Variants in RNF220 observed in about 807,000 individuals in gnomAD.
RNF220 encodes the protein ring finger protein 220, also known as E3 ubiquitin-protein ligase RNF220.
Under a neutral mutation model 67.1 loss-of-function variants are expected in RNF220, and 7 were observed. The ratio of observed to expected loss-of-function variants is 0.10; its 90% confidence interval spans 0.06 to 0.20. The LOEUF (loss-of-function observed/expected upper bound fraction) is 0.20. Ranked by LOEUF, RNF220 falls within the 10% of genes least tolerant of loss-of-function variation. The pLI is 1.00. For synonymous variants in RNF220, 270 were observed against 283.2 expected (o/e 0.95, Z 0.47); for missense variants, 565 against 740.3 (o/e 0.76, Z 2.75).
At chr1:44,642,550 G>A (rs1324993631) in intron 8 of RNF220, among the ~76,000 whole-genome samples, 1 of 152,222 alleles carries the variant, frequency 6.6e-6, no homozygotes, top group African/African-American at 2.4e-5. Flanking sequence ...ATGGGGGCAT[G>A]AGAAAGCACA....
chr1:44,593,221 C>T (rs963527435), intron 2 of RNF220, among the ~76,000 whole-genome samples: 4 of 152,306 alleles, frequency 2.6e-5, no homozygotes, highest in South Asian at 2.1e-4. Flanking sequence ...CAGAGGGCAG[C>T]AAGAGATGAG....
chr1:44,506,603 T>A (rs751401421), intron 2 of RNF220, among the ~76,000 whole-genome samples: 19 of 152,214 alleles, frequency 1.2e-4, no homozygotes, highest in Non-Finnish European at 2.4e-4. Context: ...CCAAGCCAAG[T>A]GAAACCTCTT....
rs747731508 is a variant in RNF220 at position 44,632,162 on chromosome 1, G to A, written c.907-181G>A. 24 of 1,553,864 alleles carry A rather than the reference G, an allele frequency of 1.5e-5. No individual in the cohort carries two copies. In the South Asian group the frequency reaches 1.6e-4, roughly 11 times the overall value. ...GAGCAGCGCCCGGCGGCTATGCCGA[G>A]AGCCCGGAGCGGCCGGAGGAGCAGA... On this transcript the variant is annotated intron_variant, in intron 5 of 14. Transcript: ENST00000361799.
At chr1:44,560,762 A>G (rs1663508144) in intron 2 of RNF220, among the ~76,000 whole-genome samples, 1 of 152,056 alleles carries the variant, frequency 6.6e-6, no homozygotes, top group Non-Finnish European at 1.5e-5. Context: ...GGGTTTCACC[A>G]TGTTGGCCAG....
At chr1:44,535,382 G>A (rs1262686083) in intron 2 of RNF220, among the ~76,000 whole-genome samples, 3 of 151,958 alleles carry the variant, frequency 2.0e-5, no homozygotes, top group Admixed American at 6.6e-5. Context: ...CTTGTGATCC[G>A]CCCACCTTGG....
At chr1:44,518,785 G>C (rs1032971759) in intron 2 of RNF220, among the ~76,000 whole-genome samples, 3 of 151,878 alleles carry the variant, frequency 2.0e-5, no homozygotes, top group African/African-American at 7.3e-5. Context: ...TGAGGCAGGA[G>C]AATGGCGTGA....
chr1:44,524,789 T>C (rs1189850667), intron 2 of RNF220, among the ~76,000 whole-genome samples: 1 of 152,220 alleles, frequency 6.6e-6, no homozygotes, highest in African/African-American at 2.4e-5. Context: ...TTTACAGATA[T>C]CATATTATGG....
At chr1:44,416,879 T>C (rs1648593608) in intron 2 of RNF220, among the ~76,000 whole-genome samples, 1 of 152,176 alleles carries the variant, frequency 6.6e-6, no homozygotes, top group Non-Finnish European at 1.5e-5. Context: ...GAGTAGGAGA[T>C]GGTATTTTGT....
chr1:44,514,933 A>C (rs1659336099), intron 2 of RNF220, among the ~76,000 whole-genome samples: 1 of 152,160 alleles, frequency 6.6e-6, no homozygotes, highest in South Asian at 2.1e-4. Flanking sequence ...AAAGTCAAGA[A>C]GCAAAGGGGT....
intron 2 of RNF220, among the ~76,000 whole-genome samples, chr1:44,595,795 G>A (rs1213680410): frequency 2.0e-5 from 3 of 151,376 alleles, no homozygotes; most frequent in Non-Finnish European, 4.4e-5. Flanking sequence ...ATGGAGTCTC[G>A]CTCTGTCGCC....
At chr1:44,581,554 T>C (rs1045131654) in intron 2 of RNF220, among the ~76,000 whole-genome samples, 1 of 152,154 alleles carries the variant, frequency 6.6e-6, no homozygotes, top group African/African-American at 2.4e-5. Flanking sequence ...CTGGAGTGCA[T>C]GGGAAACGGA....
In RNF220 at chr1:44,444,053, T is replaced by C. The variant is rs146179849; in HGVS notation, c.625+31331T>C. On this transcript the variant is annotated intron_variant, in intron 2 of 14. Transcript: ENST00000361799. ...TTGCAGTGAGCCAAGATGGTGCCAC[T>C]GCACTCCAGCCTGGGCAACAGAGCA... Among the ~76,000 whole-genome samples, 121 of 152,268 alleles carry C rather than the reference T, an allele frequency of 7.9e-4. 1 individual carries two copies. In the East Asian group the frequency reaches 0.023, roughly 28 times the overall value.
intron 2 of RNF220, among the ~76,000 whole-genome samples, chr1:44,552,700 A>T (rs1662754209): frequency 6.7e-6 from 1 of 149,094 alleles, no homozygotes; most frequent in Admixed American, 6.8e-5. Flanking sequence ...CCTCCCGAGT[A>T]GCTGGGACTA....
intron 2 of RNF220, among the ~76,000 whole-genome samples, chr1:44,509,400 A>G (rs988889500): frequency 1.2e-4 from 19 of 152,068 alleles, no homozygotes; most frequent in African/African-American, 4.3e-4. Context: ...AATACAAAAA[A>G]TTAGCCAGGC....
At chr1:44,644,866 C>T (rs1188678321) in intron 9 of RNF220, 72 bp downstream of exon 9, 3 of 1,522,528 alleles carry the variant, frequency 2.0e-6, no homozygotes, top group Non-Finnish European at 2.7e-6. Flanking sequence ...AGTAGCTCTT[C>T]TAGTATTCAC....
chr1:44,587,603 C>T (rs898409510), intron 2 of RNF220, among the ~76,000 whole-genome samples: 9 of 152,158 alleles, frequency 5.9e-5, no homozygotes, highest in African/African-American at 1.9e-4. Context: ...TCTCTTGCCC[C>T]GCAGGCTGCT....
chr1:44,645,518 G>C lies in RNF220; in HGVS notation c.1445+30G>C. The stretch of plus-strand genomic sequence containing the variant: ...GTGTTTGGCCAGGAGAGAGCCCTGG[G>C]ACCACAGTTCAGTGGGAGGAGGGGC... On this transcript the variant is annotated intron_variant, in intron 12 of 14. Transcript: ENST00000361799. This position sits in a 1 kb window ranked among gnomAD's most constrained non-coding sequence, Gnocchi z 5.0. 6.2e-7 allele frequency: 1 copy of C among 1,607,698 alleles called. No homozygotes were observed.
At chr1:44,586,874 G>A (rs1665737484) in intron 2 of RNF220, among the ~76,000 whole-genome samples, 1 of 152,176 alleles carries the variant, frequency 6.6e-6, no homozygotes, top group Non-Finnish European at 1.5e-5. Flanking sequence ...AAAATCAAGT[G>A]GAGGCAATGG....
intron 2 of RNF220, among the ~76,000 whole-genome samples, chr1:44,482,875 C>G (rs61312232): frequency 6.7e-6 from 1 of 149,754 alleles, no homozygotes; most frequent in Non-Finnish European, 1.5e-5. Context: ...CCTGCCTCGG[C>G]CTTCCAAAGT....
Sources: gnomAD v4.1 joint callset for allele counts (sites outside exome capture counted in the v4.1 genomes callset) on GRCh38, gnomAD v4.1.1 for gene constraint, Gnocchi (gnomAD v3.1) non-coding constraint, MANE v1.5 for transcripts, NCBI Gene and HGNC (gene_info 2026-07-23, HGNC 2026-07-21) for gene names.